Variants in DYNC1LI1 observed in about 807,000 individuals in gnomAD.
The protein encoded by DYNC1LI1 is cytoplasmic dynein 1 light intermediate chain 1.
A neutral mutation model predicts 63.8 loss-of-function variants in DYNC1LI1; 19 were observed. The observed-to-expected ratio is 0.30, with a 90% CI of 0.21 to 0.44. The LOEUF (loss-of-function observed/expected upper bound fraction) is 0.44. DYNC1LI1 is among the 20% of genes least tolerant of loss of function. DYNC1LI1 has a pLI of 1.00. For missense variants in DYNC1LI1, 565 were observed against 630.2 expected (o/e 0.90, Z 1.11); for synonymous variants, 225 against 232.3 (o/e 0.97, Z 0.28).
intron 2 of DYNC1LI1, among the ~76,000 whole-genome samples, chr3:32,547,000 T>C (rs994823335): frequency 3.3e-5 from 5 of 152,188 alleles, no homozygotes; most frequent in Admixed American, 3.3e-4. Flanking sequence ...ATCCTAGCAC[T>C]TTGGGAGGCC....
In DYNC1LI1 at chr3:32,538,021, AAT is replaced by A. The variant is rs1163415462; in HGVS notation, c.739-919_739-918del. On this transcript the variant is annotated intron_variant, in intron 5 of 12. Transcript: ENST00000273130. Reference sequence around the variant, plus strand: ...ATTTATATATATAATATATATATATAATTTATATATATAATATATATATATAA... The same window carrying A: ...ATTTATATATATAATATATATATATATTATATATATAATATATATATATAA... Among the ~76,000 whole-genome samples the A allele has an allele frequency of 2.1e-3, 54 of 25,338 alleles. 1 individual carries two copies. The highest frequency in any genetic ancestry group is 9.8e-3 in the African/African-American group (35 of 3,580). 16.6% of individuals were successfully genotyped at this position (25,338 alleles called of 152,430 possible). A position where few individuals can be genotyped will look rare whatever the true frequency, so the allele number is the denominator to read the frequency against.
intron 12 of DYNC1LI1, among the ~76,000 whole-genome samples, chr3:32,527,197 T>C (rs1471419476): frequency 6.6e-6 from 1 of 152,174 alleles, no homozygotes; most frequent in Non-Finnish European, 1.5e-5. Flanking sequence ...CTTGGGAGGC[T>C]GAGGCAGGAG....
At chr3:32,532,857 A>T (rs1395600572) in intron 8 of DYNC1LI1, 129 bp downstream of exon 8, 2 of 1,372,420 alleles carry the variant, frequency 1.5e-6, no homozygotes, top group Non-Finnish European at 1.9e-6. Context: ...AAACACACCA[A>T]AATTATACTT....
At chr3:32,548,090 A>G (rs111970644) in intron 2 of DYNC1LI1, among the ~76,000 whole-genome samples, 2 of 152,062 alleles carry the variant, frequency 1.3e-5, no homozygotes, top group Admixed American at 1.3e-4. Context: ...ATCATATGCA[A>G]CAATATGAAT....
In DYNC1LI1 at chr3:32,545,118, A is replaced by G. The variant is rs778227992; in HGVS notation, c.338-12T>C. 6.4e-7 allele frequency: 1 copy of G among 1,559,616 alleles called. No individual in the cohort carries two copies. The highest frequency in any genetic ancestry group is 1.1e-5 in the South Asian group (1 of 89,806). On this transcript the variant is annotated splice_polypyrimidine_tract_variant and intron_variant, in intron 3 of 12. Transcript: ENST00000273130. Reference sequence around the variant, plus strand: ...ACATCTTGTTTGATCTACAACAGACAAAACAAAGTAACCAAGGCAACAAGA... The same window carrying G: ...ACATCTTGTTTGATCTACAACAGACGAAACAAAGTAACCAAGGCAACAAGA...
chr3:32,530,203 A>G, intron 10 of DYNC1LI1, 81 bp downstream of exon 10: 1 of 1,167,066 alleles, frequency 8.6e-7, no homozygotes, highest in South Asian at 1.6e-5. Flanking sequence ...ACCCATATGA[A>G]ATATGTACAT....
chr3:32,548,718 T>A (rs9863690), intron 2 of DYNC1LI1, among the ~76,000 whole-genome samples: 5 of 152,174 alleles, frequency 3.3e-5, no homozygotes, highest in Non-Finnish European at 5.9e-5. Context: ...TATGCTGTAC[T>A]GAAAAATGCC....
At chr3:32,553,804 C>G (rs966028702) in intron 2 of DYNC1LI1, among the ~76,000 whole-genome samples, 4 of 152,320 alleles carry the variant, frequency 2.6e-5, no homozygotes, top group Admixed American at 2.0e-4. Flanking sequence ...TATCCAAGTT[C>G]ACACAGGTAG....
At chr3:32,551,542 G>C (rs79589652) in intron 2 of DYNC1LI1, among the ~76,000 whole-genome samples, 3,187 of 152,312 alleles carry the variant, frequency 0.021, 173 homozygotes, top group East Asian at 0.2. Flanking sequence ...TTTAGAAAGA[G>C]TGCTATGGAA....
intron 2 of DYNC1LI1, among the ~76,000 whole-genome samples, chr3:32,550,203 G>A (rs1207906433): frequency 1.2e-4 from 18 of 152,148 alleles, no homozygotes; most frequent in Admixed American, 1.1e-3. Context: ...AGGCCAAGGC[G>A]GGTGGATCAC....
At chr3:32,538,182 G>A (rs1330758726) in intron 5 of DYNC1LI1, among the ~76,000 whole-genome samples, 1 of 134,128 alleles carries the variant, frequency 7.5e-6, no homozygotes, top group Non-Finnish European at 1.5e-5. Flanking sequence ...CAGGAGGATT[G>A]AGCCTAGGAG....
intron 6 of DYNC1LI1, among the ~76,000 whole-genome samples, chr3:32,535,790 A>G (rs1249464050): frequency 1.3e-5 from 2 of 152,166 alleles, no homozygotes; most frequent in Admixed American, 6.5e-5. Context: ...ATGACTTCTC[A>G]CATTTTGTAT....
chr3:32,558,538 C>T (rs1245779343), intron 2 of DYNC1LI1, among the ~76,000 whole-genome samples: 4 of 151,962 alleles, frequency 2.6e-5, no homozygotes, highest in Non-Finnish European at 5.9e-5. Flanking sequence ...TAATCTCCAT[C>T]AACTTCATAA....
chr3:32,553,103 G>C (rs553738071), intron 2 of DYNC1LI1, among the ~76,000 whole-genome samples: 52 of 152,278 alleles, frequency 3.4e-4, no homozygotes, highest in African/African-American at 1.2e-3. Flanking sequence ...GAAGGCCAAG[G>C]CAAGAGGATT....
chr3:32,542,112 A>G lies in DYNC1LI1; in HGVS notation c.569-906T>C, dbSNP rs544337116. Among the ~76,000 whole-genome samples, 26 of 152,322 alleles carry G rather than the reference A, an allele frequency of 1.7e-4. No individual in the cohort carries two copies. In the South Asian group the frequency reaches 5.2e-3, roughly 30 times the overall value. ...AATAAAAATACTGGGAAAAATACACAAAAGTATTAGTTATTTATTTAGAGA... is the reference window on the plus strand; with the variant it reads ...AATAAAAATACTGGGAAAAATACACGAAAGTATTAGTTATTTATTTAGAGA... On this transcript the variant is annotated intron_variant, in intron 4 of 12. Coordinates refer to ENST00000273130, the MANE Select transcript of DYNC1LI1 (RefSeq NM_016141.4).
intron 4 of DYNC1LI1, among the ~76,000 whole-genome samples, 153 bp downstream of exon 4, chr3:32,544,723 C>T (rs1440342423): frequency 6.7e-6 from 1 of 149,388 alleles, no homozygotes; most frequent in African/African-American, 2.5e-5. Flanking sequence ...GCCTGGGTGA[C>T]AGAACAAGAC....
intron 2 of DYNC1LI1, among the ~76,000 whole-genome samples, chr3:32,564,987 G>A (rs180933775): frequency 3.9e-4 from 60 of 152,144 alleles, no homozygotes; most frequent in African/African-American, 1.4e-3. Flanking sequence ...TGAAGGGGGG[G>A]AAAAAAGACT....
At chr3:32,532,503 A>ATATATATATATATATG in intron 8 of DYNC1LI1, 1 of 148,352 alleles carries the variant, frequency 6.7e-6, no homozygotes, top group African/African-American at 2.5e-5. Context: ...ATATATATAT[A>ATATATATATATATATG]TATAAAATTG....
chr3:32,552,195 C>T (rs1698052181), intron 2 of DYNC1LI1, among the ~76,000 whole-genome samples: 1 of 152,036 alleles, frequency 6.6e-6, no homozygotes, highest in African/African-American at 2.4e-5. Flanking sequence ...TCCTTTTTGC[C>T]TTCCCTTAAA....
Sources: allele counts gnomAD v4.1 joint callset (sites outside exome capture counted in the v4.1 genomes callset), GRCh38; gene constraint gnomAD v4.1.1; transcripts MANE v1.5; gene names NCBI Gene and HGNC (gene_info 2026-07-23, HGNC 2026-07-21).